Variants in TTC39C observed in about 807,000 individuals in gnomAD.
TTC39C encodes the protein tetratricopeptide repeat protein 39C.
In TTC39C, 33 loss-of-function variants were observed where a neutral mutation model predicts 76.3. That is an observed-to-expected ratio of 0.43 (90% confidence interval 0.33 to 0.58). The LOEUF is 0.58. Ranked by LOEUF, TTC39C falls within the 20% of genes least tolerant of loss-of-function variation. The probability of loss-of-function intolerance (pLI) is 0.04; values close to 1 mark genes in which losing one functional copy is unlikely to be tolerated. For missense variants in TTC39C, 595 were observed against 701.4 expected (o/e 0.85, Z 1.71); for synonymous variants, 254 against 260.6 (o/e 0.97, Z 0.24).
intron 3 of TTC39C, among the ~76,000 whole-genome samples, chr18:24,068,042 G>C (rs2084189556): frequency 6.6e-6 from 1 of 152,118 alleles, no homozygotes; most frequent in South Asian, 2.1e-4. Context: ...ACCCTTCAGA[G>C]AGCTTTCTAC....
At chr18:24,057,113 ATC>A (rs2084026003) in intron 1 of TTC39C, among the ~76,000 whole-genome samples, 1 of 125,406 alleles carries the variant, frequency 8.0e-6, no homozygotes, top group Non-Finnish European at 1.8e-5. Context: ...TGCTTTATCT[ATC>A]TTCTGTTCCC....
At chr18:24,128,176 A>G (rs992957311) in intron 10 of TTC39C, among the ~76,000 whole-genome samples, 1 of 152,336 alleles carries the variant, frequency 6.6e-6, no homozygotes, top group South Asian at 2.1e-4. Flanking sequence ...ATATTGAATG[A>G]ATGAATTAGT....
At position 24,007,702 on chromosome 18, in the gene TTC39C, A is replaced by G. The variant is rs181008791; in HGVS notation, c.-17+14664A>G. On this transcript the variant is annotated intron_variant, in intron 1 of 13. Transcript: ENST00000304621. The stretch of plus-strand genomic sequence containing the variant: ...CCCAGACTATTTTATATTTTTATAC[A>G]TTCTGAAGAAAATCTGTACTTCTTC... Among the ~76,000 whole-genome samples, 5 of 152,330 alleles carry G rather than the reference A, an allele frequency of 3.3e-5. No individual in the cohort carries two copies. In the East Asian group the frequency reaches 7.7e-4, roughly 24 times the overall value.
upstream of TTC39C, among the ~76,000 whole-genome samples, chr18:24,012,522 C>A (rs141948479): frequency 1.2e-3 from 187 of 152,296 alleles, no homozygotes; most frequent in African/African-American, 4.4e-3. Context: ...AACATAGTGT[C>A]ATCAATTCCT....
At chr18:24,111,827 G>A (rs1025057486) in intron 6 of TTC39C, among the ~76,000 whole-genome samples, 22 of 151,718 alleles carry the variant, frequency 1.5e-4, no homozygotes, top group African/African-American at 4.6e-4. Flanking sequence ...TCTTGAGCCT[G>A]GGAGATTGAG....
chr18:24,024,004 A>C (rs866100979), intron 1 of TTC39C, among the ~76,000 whole-genome samples: 7 of 4,860 alleles, frequency 1.4e-3, no homozygotes, highest in South Asian at 0.014. Context: ...ATATATATAT[A>C]TATATATATA....
At chr18:24,013,276 C>A (rs1290203581), upstream of TTC39C, among the ~76,000 whole-genome samples, 1 of 152,130 alleles carries the variant, frequency 6.6e-6, no homozygotes, top group African/African-American at 2.4e-5. Flanking sequence ...GTTTGTGGTT[C>A]CAGATGTACT....
At chr18:24,055,843 A>G (rs531634006) in intron 1 of TTC39C, among the ~76,000 whole-genome samples, 79 of 152,350 alleles carry the variant, frequency 5.2e-4, no homozygotes, top group Non-Finnish European at 9.0e-4. Context: ...CCAATGGTCT[A>G]TTAAAACCCA....
At chr18:24,040,695 C>T (rs1045499437) in intron 1 of TTC39C, among the ~76,000 whole-genome samples, 5 of 152,140 alleles carry the variant, frequency 3.3e-5, no homozygotes, top group Non-Finnish European at 5.9e-5. Flanking sequence ...GAAAAGCCCA[C>T]TAGCTTGAGT....
At chr18:24,095,471 A>C (rs989532158) in intron 6 of TTC39C, among the ~76,000 whole-genome samples, 6 of 152,282 alleles carry the variant, frequency 3.9e-5, no homozygotes, top group African/African-American at 1.2e-4. Flanking sequence ...GGCTGAGGCC[A>C]GCAGATCACC....
chr18:24,052,485 GGAATATTATCCA>G (rs1380599549), intron 1 of TTC39C, among the ~76,000 whole-genome samples: 6 of 151,726 alleles, frequency 4.0e-5, no homozygotes, highest in African/African-American at 1.5e-4. Context: ...TTTAAACTGA[GGAATATTATCCA>G]GTCATGACTT....
At chr18:24,037,138 A>T (rs1388271477) in intron 1 of TTC39C, among the ~76,000 whole-genome samples, 1 of 152,252 alleles carries the variant, frequency 6.6e-6, no homozygotes, top group East Asian at 1.9e-4. Flanking sequence ...TTGGTCTTTT[A>T]CTATTGAATA....
At chr18:24,027,559 CTTT>C (rs1205765107) in intron 1 of TTC39C, among the ~76,000 whole-genome samples, 9 of 134,390 alleles carry the variant, frequency 6.7e-5, no homozygotes, top group Admixed American at 1.5e-4. Flanking sequence ...TCTGAGGTGA[CTTT>C]TTTTTTTTTT....
At chr18:24,070,642 G>C (rs762074440) in intron 4 of TTC39C, among the ~76,000 whole-genome samples, 1 of 151,990 alleles carries the variant, frequency 6.6e-6, no homozygotes, top group Non-Finnish European at 1.5e-5. Context: ...TCAGGAGTTC[G>C]AGACCAGCCT....
intron 6 of TTC39C, among the ~76,000 whole-genome samples, chr18:24,111,742 TA>T (rs905867117): frequency 4.0e-5 from 6 of 149,422 alleles, no homozygotes; most frequent in African/African-American, 1.2e-4. Context: ...AAATATTAAT[TA>T]AAAAAAAACT....
intron 1 of TTC39C, among the ~76,000 whole-genome samples, chr18:24,041,897 G>A (rs1036365971): frequency 1.4e-4 from 21 of 152,068 alleles, no homozygotes; most frequent in African/African-American, 3.4e-4. Context: ...TCAGCCCGGC[G>A]TGATTACATT....
At chr18:24,059,360 C>G (rs943751868) in intron 1 of TTC39C, among the ~76,000 whole-genome samples, 1 of 152,138 alleles carries the variant, frequency 6.6e-6, no homozygotes, top group Non-Finnish European at 1.5e-5. Flanking sequence ...TCCCCTCCCT[C>G]CTCCCACCCT....
intron 1 of TTC39C, among the ~76,000 whole-genome samples, chr18:24,027,113 G>A (rs2083608114): frequency 6.6e-6 from 1 of 152,082 alleles, no homozygotes; most frequent in Admixed American, 6.5e-5. Flanking sequence ...CCAACATGGT[G>A]AAACCCCGTC....
chr18:24,099,395 C>G (rs1482484324), intron 6 of TTC39C: 3 of 151,730 alleles, frequency 2.0e-5, no homozygotes, highest in African/African-American at 7.3e-5. Context: ...GGGCTCCACC[C>G]TCATGATCTG....
Sources: allele counts gnomAD v4.1 joint callset (sites outside exome capture counted in the v4.1 genomes callset), GRCh38; gene constraint gnomAD v4.1.1; transcripts MANE v1.5; gene names NCBI Gene and HGNC (gene_info 2026-07-23, HGNC 2026-07-21).